MED12L: variants seen among roughly 807,000 people sequenced by gnomAD.
The protein encoded by MED12L is mediator of RNA polymerase II transcription subunit 12-like protein.
A neutral mutation model predicts 281.3 loss-of-function variants in MED12L; 60 were observed. That is an observed-to-expected ratio of 0.21 (90% CI 0.17 to 0.26). MED12L has a LOEUF of 0.26. Among genes scored for constraint, MED12L ranks in the 10% least tolerant of loss-of-function variants. The pLI, the probability that MED12L is intolerant of heterozygous loss-of-function variation, is 1.00. For synonymous variants in MED12L, 974 were observed against 987.2 expected, an observed-to-expected ratio of 0.99 and a Z score of 0.25; for missense variants, 2,146 against 2,680.9, an observed-to-expected ratio of 0.80 and a Z score of 4.41.
At chr3:151,087,079 C>G in intron 2 of MED12L, 54 bp downstream of exon 2, 1 of 1,442,880 alleles carries the variant, frequency 6.9e-7, no homozygotes, top group South Asian at 1.2e-5. Flanking sequence ...GCAGCACTGA[C>G]CCGGGGCCAA....
At chr3:151,115,071 A>G (rs922434967) in intron 2 of MED12L, among the ~76,000 whole-genome samples, 1 of 152,188 alleles carries the variant, frequency 6.6e-6, no homozygotes, top group Non-Finnish European at 1.5e-5. Context: ...CTCCCTTGGA[A>G]TTGGAGTTGG....
chr3:151,377,230 G>C lies in MED12L; in HGVS notation c.4316+52G>C, dbSNP rs765415147. 5 of 1,478,200 alleles carry C rather than the reference G, an allele frequency of 3.4e-6. No homozygotes were observed. In the South Asian group the frequency reaches 6.2e-5, roughly 18 times the overall value. 91.6% of individuals were successfully genotyped at this position (1,478,200 alleles called of 1,614,324 possible). A position where few individuals can be genotyped will look rare whatever the true frequency, so the allele number is the denominator to read the frequency against. On this transcript the variant is annotated intron_variant, in intron 30 of 44. Transcript: ENST00000687756. ...CTGTCATGAATTTTTCACAAGTAAC[G>C]GTAAATTTTGTGTAGCACAGTGATT...
At chr3:151,345,517 C>CTTTTTTTTTTTTT (rs201731496) in intron 16 of MED12L, among the ~76,000 whole-genome samples, 10 of 131,646 alleles carry the variant, frequency 7.6e-5, no homozygotes, top group Admixed American at 1.6e-4. Context: ...TTTTCTTTTT[C>CTTTTTTTTTTTTT]TTTTTTTTTT....
chr3:151,286,481 CTG>C, intron 16 of MED12L, among the ~76,000 whole-genome samples: 1 of 152,278 alleles, frequency 6.6e-6, no homozygotes, highest in South Asian at 2.1e-4. Flanking sequence ...ACTCAGAAAA[CTG>C]TTCTCCATGC....
At position 151,235,210 on chromosome 3, in the gene MED12L, G is replaced by A. The variant is rs891923597; in HGVS notation, c.2250+41544G>A. Among the ~76,000 whole-genome samples the A allele has an allele frequency of 9.7e-4, 148 of 152,278 alleles. 1 individual carries two copies. Among genetic ancestry groups the A allele is most frequent in the African/African-American group, 3.5e-3 (146 of 41,544 alleles). ...GAGCTTTTTGGTCATCTAATGCCTG[G>A]CAGAACTCTGAGCAGGTGCATGTTT... On this transcript the variant is annotated intron_variant, in intron 16 of 44. Coordinates refer to ENST00000687756, the MANE Select transcript of MED12L (RefSeq NM_001393769.1).
At chr3:151,373,272 T>C (rs917094806) in intron 27 of MED12L, among the ~76,000 whole-genome samples, 1 of 152,152 alleles carries the variant, frequency 6.6e-6, no homozygotes, top group African/African-American at 2.4e-5. Context: ...ACAGAAATAA[T>C]CTTGAGTTCT....
intron 41 of MED12L, 98 bp from the exon 42 acceptor site, chr3:151,413,041 G>T: frequency 7.3e-7 from 1 of 1,377,134 alleles, no homozygotes; most frequent in South Asian, 1.4e-5. Context: ...ATTGAGCACT[G>T]ATTGTTTCTT....
At chr3:151,324,129 C>T (rs1414932821) in intron 16 of MED12L, among the ~76,000 whole-genome samples, 1 of 152,210 alleles carries the variant, frequency 6.6e-6, no homozygotes, top group African/African-American at 2.4e-5. Flanking sequence ...GCACCATGGG[C>T]AAGGTGTATG....
At chr3:151,376,243 C>T in intron 28 of MED12L, 29 bp downstream of exon 28, 2 of 1,352,782 alleles carry the variant, frequency 1.5e-6, no homozygotes, top group Non-Finnish European at 1.9e-6. Flanking sequence ...GTGTTTCTGT[C>T]ATTTGATAAA....
At chr3:151,366,013 A>G in intron 23 of MED12L, 22 bp downstream of exon 23, 15 of 1,532,474 alleles carry the variant, frequency 9.8e-6, no homozygotes, top group Non-Finnish European at 1.2e-5. Context: ...TTTTCATTTA[A>G]AAATTGAACT....
chr3:151,137,498 G>C (rs1019112148), intron 5 of MED12L, among the ~76,000 whole-genome samples: 2 of 152,188 alleles, frequency 1.3e-5, no homozygotes, highest in African/African-American at 4.8e-5. Context: ...AGATCTGGGT[G>C]CTAAAGGTGC....
intron 4 of MED12L, among the ~76,000 whole-genome samples, chr3:151,126,852 G>A (rs1007480592): frequency 6.6e-6 from 1 of 152,174 alleles, no homozygotes; most frequent in African/African-American, 2.4e-5. Context: ...GGTGGACAGG[G>A]TTGATGTTAA....
intron 16 of MED12L, among the ~76,000 whole-genome samples, chr3:151,247,096 TA>T (rs1302301918): frequency 6.6e-5 from 10 of 152,072 alleles, no homozygotes; most frequent in Non-Finnish European, 1.3e-4. Flanking sequence ...TGGCAATAAT[TA>T]AAAAGTCAGG....
intron 16 of MED12L, among the ~76,000 whole-genome samples, chr3:151,249,980 A>G (rs570687194): frequency 6.6e-6 from 1 of 152,150 alleles, no homozygotes; most frequent in Admixed American, 6.5e-5. Flanking sequence ...ACGATCAATC[A>G]TGCCTGTTAT....
At chr3:151,394,396 G>A (rs140444105) in intron 38 of MED12L, among the ~76,000 whole-genome samples, 5 of 152,284 alleles carry the variant, frequency 3.3e-5, no homozygotes, top group Non-Finnish European at 4.4e-5. Flanking sequence ...ACAACTGTAT[G>A]TTTTACACAT....
At chr3:151,275,083 T>G (rs1741621725) in intron 16 of MED12L, among the ~76,000 whole-genome samples, 1 of 152,122 alleles carries the variant, frequency 6.6e-6, no homozygotes, top group African/African-American at 2.4e-5. Flanking sequence ...CAGGTGTCTC[T>G]CCCACTATAG....
chr3:151,317,175 A>G (rs1219742395), intron 16 of MED12L, among the ~76,000 whole-genome samples: 1 of 152,146 alleles, frequency 6.6e-6, no homozygotes, highest in Non-Finnish European at 1.5e-5. Context: ...ATTATTCTAC[A>G]TATTATTTAA....
intron 16 of MED12L, among the ~76,000 whole-genome samples, chr3:151,311,355 G>A (rs1437026906): frequency 6.6e-6 from 1 of 151,612 alleles, no homozygotes; most frequent in Admixed American, 6.6e-5. Flanking sequence ...ATTTAGTGTT[G>A]TTGTTTACAT....
intron 16 of MED12L, among the ~76,000 whole-genome samples, chr3:151,279,718 G>C (rs1171527891): frequency 6.6e-6 from 1 of 152,206 alleles, no homozygotes; most frequent in Non-Finnish European, 1.5e-5. Context: ...GTGAGGAGGA[G>C]CCGCTAGAGC....
Sources: gnomAD v4.1 joint callset for allele counts (sites outside exome capture counted in the v4.1 genomes callset) on GRCh38, gnomAD v4.1.1 for gene constraint, MANE v1.5 for transcripts, NCBI Gene and HGNC (gene_info 2026-07-23, HGNC 2026-07-21) for gene names.